Variants in MYO1H observed in about 807,000 individuals in gnomAD.
MYO1H encodes the protein unconventional myosin-Ih.
Under a neutral mutation model 149.3 loss-of-function variants are expected in MYO1H, and 118 were observed. That is an observed-to-expected ratio of 0.79 (90% CI 0.68 to 0.92). MYO1H has a LOEUF of 0.92. Ranked by LOEUF, MYO1H falls within the 40% of genes least tolerant of loss-of-function variation. The probability of loss-of-function intolerance (pLI) is 0.00; values close to 1 mark genes in which losing one functional copy is unlikely to be tolerated. For synonymous variants in MYO1H, 447 were observed against 465.2 expected, an observed-to-expected ratio of 0.96 and a Z score of 0.50; for missense variants, 1,212 against 1,280.7, an observed-to-expected ratio of 0.95 and a Z score of 0.82.
chr12:109,316,332 C>T, the MYO1H span, among the ~76,000 whole-genome samples: 1 of 152,200 alleles, frequency 6.6e-6, no homozygotes, highest in Non-Finnish European at 1.5e-5. Flanking sequence ...AACTTTCTTT[C>T]AGTCTTACTA....
At chr12:109,418,508 C>A (rs1230466677) in intron 15 of MYO1H, among the ~76,000 whole-genome samples, 2 of 151,958 alleles carry the variant, frequency 1.3e-5, no homozygotes, top group African/African-American at 4.8e-5. Flanking sequence ...CGCCACCACG[C>A]CCAACTAATT....
At chr12:109,436,606 G>A (rs1216917634) in intron 22 of MYO1H, 50 bp downstream of exon 22, 1 of 1,250,840 alleles carries the variant, frequency 8.0e-7, no homozygotes, top group African/African-American at 1.5e-5. Context: ...TCATCTGCTT[G>A]GCACCTGGGG....
chr12:109,425,678 G>A (rs1871327482), intron 17 of MYO1H, among the ~76,000 whole-genome samples: 1 of 152,174 alleles, frequency 6.6e-6, no homozygotes, highest in Non-Finnish European at 1.5e-5. Context: ...GGTTCCTGCT[G>A]GGCACTCACC....
chr12:109,430,700 G>A (rs891243641), intron 19 of MYO1H, among the ~76,000 whole-genome samples: 10 of 152,168 alleles, frequency 6.6e-5, no homozygotes, highest in Admixed American at 6.5e-4. Flanking sequence ...AGGCCGAAAA[G>A]TGATCACCTG....
At chr12:109,348,031 A>G in intron 1 of MYO1H, 59 bp downstream of exon 1, 1 of 399,074 alleles carries the variant, frequency 2.5e-6, no homozygotes, top group Non-Finnish European at 4.4e-6. Flanking sequence ...TCTACCAAGA[A>G]CTTTCCAAAT....
In MYO1H at chr12:109,367,423, T is replaced by A. The variant is rs184476895; in HGVS notation, c.12+19451T>A. On this transcript the variant is annotated intron_variant, in intron 1 of 31. Coordinates refer to ENST00000310903, the Ensembl canonical transcript of MYO1H. ...TCTCCAGCTACATTGCTGGAGAAAA[T>A]TTTTTAAAAGACCCATAACACAAGT... Among the ~76,000 whole-genome samples the A allele has an allele frequency of 5.0e-3, 761 of 152,230 alleles. 7 individuals are homozygous for A. The highest frequency in any genetic ancestry group is 0.017 in the African/African-American group (723 of 41,530).
intron 20 of MYO1H, 36 bp downstream of exon 20, chr12:109,433,046 C>T (rs1382883194): frequency 1.6e-5 from 25 of 1,538,650 alleles, no homozygotes; most frequent in Non-Finnish European, 2.2e-5. Flanking sequence ...GGTCTCTTCC[C>T]TTGACATCAA....
intron 14 of MYO1H, 29 bp from the exon 15 acceptor site, chr12:109,415,497 T>A: frequency 6.4e-7 from 1 of 1,564,946 alleles, no homozygotes; most frequent in Non-Finnish European, 8.7e-7. Context: ...GAAAAGAAAG[T>A]TCAACTCGTG....
At chr12:109,415,669 G>T in intron 15 of MYO1H, 49 bp downstream of exon 15, 2 of 1,379,592 alleles carry the variant, frequency 1.4e-6, no homozygotes, top group Non-Finnish European at 2.0e-6. Flanking sequence ...GCCCAGCCTG[G>T]TGTCTTACAA....
intron 1 of MYO1H, among the ~76,000 whole-genome samples, chr12:109,369,838 C>A (rs533784777): frequency 1.3e-5 from 2 of 152,226 alleles, no homozygotes; most frequent in East Asian, 3.9e-4. Context: ...AAAGACATAC[C>A]TCAGTTGGGG....
At chr12:109,445,865 T>C (rs1463585023) in intron 31 of MYO1H, 5 of 985,378 alleles carry the variant, frequency 5.1e-6, no homozygotes, top group Non-Finnish European at 6.0e-6. Flanking sequence ...CATGAGACAC[T>C]TCCCAAATAG....
chr12:109,406,902 T>G, intron 9 of MYO1H, 42 bp downstream of exon 9: 3 of 1,557,740 alleles, frequency 1.9e-6, no homozygotes, highest in Non-Finnish European at 2.7e-6. Flanking sequence ...CCCTCCCTGC[T>G]GCTGCTGCCT....
intron 30 of MYO1H, among the ~76,000 whole-genome samples, chr12:109,444,867 CA>C (rs57782261): frequency 0.063 from 8,618 of 136,764 alleles, 294 homozygotes; most frequent in Non-Finnish European, 0.088. Context: ...GACAATGTCT[CA>C]AAAAAAAAAA....
chr12:109,398,304 G>A (rs567539854), intron 5 of MYO1H, among the ~76,000 whole-genome samples: 13 of 152,316 alleles, frequency 8.5e-5, no homozygotes, highest in South Asian at 2.1e-4. Context: ...AATGTCCATC[G>A]ACAGGAGAAC....
At chr12:109,400,757 C>T (rs574490635) in intron 5 of MYO1H, among the ~76,000 whole-genome samples, 17 of 152,240 alleles carry the variant, frequency 1.1e-4, no homozygotes, top group African/African-American at 3.6e-4. Context: ...ATAAATGGCA[C>T]AGATCAACTG....
intron 16 of MYO1H, among the ~76,000 whole-genome samples, chr12:109,423,453 C>T (rs576836407): frequency 3.9e-5 from 6 of 152,328 alleles, no homozygotes; most frequent in Admixed American, 2.6e-4. Flanking sequence ...TGAGCGACCA[C>T]GCTCGGCCAC....
chr12:109,327,067 C>T, the MYO1H span, among the ~76,000 whole-genome samples: 1 of 150,948 alleles, frequency 6.6e-6, no homozygotes, highest in South Asian at 2.1e-4. Context: ...TTCCTTTATG[C>T]TACAGTAGAA....
chr12:109,363,191 A>G (rs569633955), intron 1 of MYO1H, among the ~76,000 whole-genome samples: 127 of 152,280 alleles, frequency 8.3e-4, no homozygotes, highest in African/African-American at 2.7e-3. Flanking sequence ...TAAATGGTAA[A>G]TTGTTTCTTT....
chr12:109,410,849 G>T, intron 13 of MYO1H, 81 bp downstream of exon 13: 1 of 1,017,434 alleles, frequency 9.8e-7, no homozygotes, highest in Non-Finnish European at 1.5e-6. Flanking sequence ...GGCTTAAAAA[G>T]GGTTGAGCCA....
Sources: gnomAD v4.1 joint callset for allele counts (sites outside exome capture counted in the v4.1 genomes callset) on GRCh38, gnomAD v4.1.1 for gene constraint, MANE v1.5 for transcripts, NCBI Gene and HGNC (gene_info 2026-07-23, HGNC 2026-07-21) for gene names.